The following KTN1 variants were observed in gnomAD, a reference collection of about 807,000 sequenced individuals.
The protein encoded by KTN1 is kinectin.
In KTN1, 130 loss-of-function variants were observed where a neutral mutation model predicts 222.5. The observed-to-expected ratio is 0.58, with a 90% CI of 0.51 to 0.68. KTN1 has a LOEUF of 0.68. Ranked by LOEUF, KTN1 falls within the 30% of genes least tolerant of loss-of-function variation. KTN1 has a pLI of 0.00. For missense variants in KTN1, 1,508 were observed against 1,500.4 expected (o/e 1.01, Z -0.08); for synonymous variants, 512 against 496.3 (o/e 1.03, Z -0.42).
chr14:55,639,139 G>T, intron 12 of KTN1, 46 bp from the exon 13 acceptor site: 1 of 1,305,456 alleles, frequency 7.7e-7, no homozygotes, highest in Non-Finnish European at 1.1e-6. Flanking sequence ...TAGCTATAAA[G>T]CTTTCTCTTA....
intron 9 of KTN1, among the ~76,000 whole-genome samples, chr14:55,635,578 A>G (rs149655339): frequency 3.3e-5 from 5 of 152,338 alleles, no homozygotes; most frequent in African/African-American, 1.2e-4. Context: ...TATACTATGA[A>G]GAGATGCATG....
At chr14:55,667,173 T>G (rs143929728) in intron 33 of KTN1, 68 bp from the exon 34 acceptor site, 10 of 1,030,288 alleles carry the variant, frequency 9.7e-6, no homozygotes, top group African/African-American at 4.9e-5. Flanking sequence ...ACTATAGTTT[T>G]TTTCTTTTCT....
At chr14:55,619,411 T>A in intron 5 of KTN1, 99 bp downstream of exon 5, 1 of 1,098,096 alleles carries the variant, frequency 9.1e-7, no homozygotes, top group Non-Finnish European at 1.3e-6. Flanking sequence ...CTCCCATCCT[T>A]AACATCTCAG....
rs1170028579 is a variant in KTN1 at position 55,644,365 on chromosome 14, C to T, written c.2172+2605C>T. On this transcript the variant is annotated intron_variant, in intron 18 of 43. Coordinates refer to ENST00000395314, the MANE Select transcript of KTN1 (RefSeq NM_001079521.2). ...TTTTATTCTGGAGGAAAAGATTGAG[C>T]GTATAAAAGCAGAAACCAATAATGG... 4 of 701,458 alleles carry T rather than the reference C, an allele frequency of 5.7e-6. No individual in the cohort carries two copies. The East Asian group carries it at 8.1e-5, about 14-fold the overall frequency. The allele number at this position is 701,458 out of a possible 1,614,324, so 43.5% of individuals were successfully genotyped here.
At chr14:55,614,405 T>G (rs2038048852) in intron 2 of KTN1, among the ~76,000 whole-genome samples, 1 of 152,134 alleles carries the variant, frequency 6.6e-6, no homozygotes, top group Non-Finnish European at 1.5e-5. Context: ...AAAGTAAGAA[T>G]GACACGAATA....
chr14:55,588,725 T>G (rs751696562), intron 1 of KTN1, among the ~76,000 whole-genome samples: 7 of 152,218 alleles, frequency 4.6e-5, no homozygotes, highest in Non-Finnish European at 8.8e-5. Context: ...TTGTTTACAT[T>G]TCCATCTATT....
chr14:55,669,045 G>A (rs2045187975), intron 34 of KTN1, among the ~76,000 whole-genome samples: 1 of 151,950 alleles, frequency 6.6e-6, no homozygotes, highest in African/African-American at 2.4e-5. Flanking sequence ...TAAGAGAAAG[G>A]GTTGCTATTA....
chr14:55,662,920 C>G (rs1283267074), intron 32 of KTN1: 8 of 450,552 alleles, frequency 1.8e-5, no homozygotes, highest in Non-Finnish European at 1.3e-5. Context: ...CATGGTAATG[C>G]AGCAGCAGCA....
intron 24 of KTN1, chr14:55,651,326 T>C (rs2042918135): frequency 2.2e-6 from 1 of 455,802 alleles, no homozygotes; most frequent in African/African-American, 2.0e-5. Flanking sequence ...GGAACTGACA[T>C]CTAAGCCAAG....
intron 7 of KTN1, among the ~76,000 whole-genome samples, chr14:55,631,004 C>G (rs987045018): frequency 6.6e-6 from 1 of 151,956 alleles, no homozygotes; most frequent in Non-Finnish European, 1.5e-5. Context: ...TGCTTCCTAC[C>G]CTTTCACCTG....
intron 1 of KTN1, among the ~76,000 whole-genome samples, chr14:55,596,154 C>CAAAAAAAAAAAAAAAAAAAAAAAAAAAA (rs71448460): frequency 1.5e-4 from 9 of 61,092 alleles, no homozygotes; most frequent in African/African-American, 2.0e-4. Context: ...GACTCAATAG[C>CAAAAAAAAAAAAAAAAAAAAAAAAAAAA]AAAAAAAAAA....
At chr14:55,598,144 T>C (rs1446829918) in intron 1 of KTN1, among the ~76,000 whole-genome samples, 1 of 151,934 alleles carries the variant, frequency 6.6e-6, no homozygotes, top group Non-Finnish European at 1.5e-5. Flanking sequence ...AATAAGAATA[T>C]TGCTTTCTCG....
chr14:55,653,427 G>C (rs932375022), intron 27 of KTN1, 132 bp from the exon 28 acceptor site: 3 of 648,364 alleles, frequency 4.6e-6, no homozygotes, highest in Non-Finnish European at 7.9e-6. Flanking sequence ...CTTTATAAAT[G>C]ACCCAATCTT....
rs183768943 is a variant in KTN1, at chr14:55,677,380, G to A, written c.3856-972G>A. ...CAGTCTCAGCTACTCAGGAGGCTGAGGCAGAAGAATTGCTTGAATCCGGGA... is the reference window on the plus strand; with the variant it reads ...CAGTCTCAGCTACTCAGGAGGCTGAAGCAGAAGAATTGCTTGAATCCGGGA... On this transcript the variant is annotated intron_variant, in intron 41 of 43. Coordinates refer to ENST00000395314, the MANE Select transcript of KTN1 (RefSeq NM_001079521.2). Among the ~76,000 whole-genome samples, 65 of 151,784 alleles carry A rather than the reference G, an allele frequency of 4.3e-4. No homozygotes were observed. In the East Asian group the frequency reaches 0.01, roughly 24 times the overall value.
intron 8 of KTN1, 71 bp downstream of exon 8, chr14:55,633,412 G>T: frequency 2.4e-6 from 2 of 848,484 alleles, no homozygotes; most frequent in East Asian, 3.1e-5. Flanking sequence ...AATATTAATA[G>T]CGTTTGATAG....
chr14:55,596,032 G>A (rs915845954), intron 1 of KTN1, among the ~76,000 whole-genome samples: 4 of 151,760 alleles, frequency 2.6e-5, no homozygotes, highest in Non-Finnish European at 5.9e-5. Flanking sequence ...GCAGGCGCCT[G>A]TAGTCCCAGC....
intron 2 of KTN1, among the ~76,000 whole-genome samples, chr14:55,613,245 T>C (rs1566710617): frequency 6.6e-6 from 1 of 152,160 alleles, no homozygotes; most frequent in Non-Finnish European, 1.5e-5. Flanking sequence ...GTAGGAATTC[T>C]AAGGTAGACC....
Position 55,684,314 on chromosome 14 carries a change from A to T in KTN1, c.*211A>T, listed in dbSNP as rs2046606450. On this transcript the variant is annotated 3_prime_UTR_variant, in exon 44 of 44. Transcript: ENST00000395314. The stretch of plus-strand genomic sequence containing the variant: ...CCTTCAGAGTTTAGTTTTATAATAA[A>T]AACTGTTTGAATAATTAGACCTTTA... 2.4e-6 allele frequency: 1 copy of T among 419,186 alleles called. No homozygotes were observed. Among genetic ancestry groups the T allele is most frequent in the Admixed American group, 4.4e-5 (1 of 22,896 alleles). The allele number at this position is 419,186 out of a possible 1,614,324, so 26.0% of individuals were successfully genotyped here.
At chr14:55,654,506 A>C (rs1265472022) in intron 28 of KTN1, among the ~76,000 whole-genome samples, 2 of 151,180 alleles carry the variant, frequency 1.3e-5, no homozygotes, top group Non-Finnish European at 2.9e-5. Context: ...AGACCATTAA[A>C]GTAGGTAATT....
Sources: gnomAD v4.1 joint callset for allele counts (sites outside exome capture counted in the v4.1 genomes callset) on GRCh38, gnomAD v4.1.1 for gene constraint, MANE v1.5 for transcripts, NCBI Gene and HGNC (gene_info 2026-07-23, HGNC 2026-07-21) for gene names.